The following CSMD3 variants were observed in gnomAD, a reference collection of about 807,000 sequenced individuals.
CSMD3 encodes the protein CUB and Sushi multiple domains 3.
CSMD3 carries 177 observed loss-of-function variants against 435.2 expected under a neutral mutation model. That is an observed-to-expected ratio of 0.41 (90% CI 0.36 to 0.46). The LOEUF (loss-of-function observed/expected upper bound fraction) is 0.46, where lower values mean the gene tolerates loss of function less well. Among genes scored for constraint, CSMD3 ranks in the 20% least tolerant of loss-of-function variants. The pLI is 0.34. For synonymous variants in CSMD3, 1,656 were observed against 1,520.5 expected, an observed-to-expected ratio of 1.09 and a Z score of -2.07; for missense variants, 4,265 against 4,504.6, an observed-to-expected ratio of 0.95 and a Z score of 1.52.
chr8:112,264,092 GT>G (rs1226357981), intron 60 of CSMD3, among the ~76,000 whole-genome samples: 1 of 152,010 alleles, frequency 6.6e-6, no homozygotes, highest in East Asian at 1.9e-4. Flanking sequence ...CAAACAGAGG[GT>G]GACCTTCAAT....
intron 13 of CSMD3, among the ~76,000 whole-genome samples, chr8:112,741,122 G>A (rs1587137775): frequency 6.6e-6 from 1 of 151,930 alleles, no homozygotes; most frequent in South Asian, 2.1e-4. Flanking sequence ...CAAAAGAGAT[G>A]AAGAGAGTGT....
At chr8:112,318,983 G>A (rs761380315) in intron 46 of CSMD3, 33 bp from the exon 47 acceptor site, 2 of 1,167,596 alleles carry the variant, frequency 1.7e-6, no homozygotes, top group African/African-American at 1.5e-5. Flanking sequence ...TTTCATATAA[G>A]CAACAAGGTG....
intron 41 of CSMD3, among the ~76,000 whole-genome samples, chr8:112,345,440 C>A (rs1825576854): frequency 6.6e-6 from 1 of 152,050 alleles, no homozygotes; most frequent in African/African-American, 2.4e-5. Flanking sequence ...TCATATACAA[C>A]AAAATGGATG....
intron 9 of CSMD3, among the ~76,000 whole-genome samples, chr8:112,929,693 G>A (rs1275411263): frequency 6.6e-6 from 1 of 151,984 alleles, no homozygotes; most frequent in East Asian, 1.9e-4. Flanking sequence ...AAGGCACATA[G>A]TAGGATAATG....
At chr8:112,900,723 T>A (rs1364710752) in intron 10 of CSMD3, among the ~76,000 whole-genome samples, 1 of 151,218 alleles carries the variant, frequency 6.6e-6, no homozygotes, top group Non-Finnish European at 1.5e-5. Context: ...GAGAAAAAGC[T>A]CTTTAAAAGA....
chr8:112,582,141 A>T (rs1410673047), intron 23 of CSMD3, among the ~76,000 whole-genome samples: 1 of 152,020 alleles, frequency 6.6e-6, no homozygotes, highest in Non-Finnish European at 1.5e-5. Flanking sequence ...CCATTGATAT[A>T]AGTGATTCTC....
intron 2 of CSMD3, among the ~76,000 whole-genome samples, chr8:113,283,111 G>T (rs1174996675): frequency 6.6e-6 from 1 of 152,072 alleles, no homozygotes; most frequent in East Asian, 1.9e-4. Flanking sequence ...GTAAATCTAA[G>T]ATCTGAAACT....
chr8:112,342,993 A>ATT (rs1825296930), intron 41 of CSMD3, among the ~76,000 whole-genome samples: 3 of 26,146 alleles, frequency 1.1e-4, no homozygotes, highest in African/African-American at 2.3e-4. Context: ...ATATTTATAT[A>ATT]TATATATTTA....
chr8:113,294,162 T>A (rs1390320356), intron 2 of CSMD3, among the ~76,000 whole-genome samples: 2 of 152,018 alleles, frequency 1.3e-5, no homozygotes, highest in African/African-American at 4.8e-5. Context: ...TTTTAGCTAA[T>A]TAGGAACATG....
In CSMD3 at chr8:112,762,957, T is replaced by C. The variant is rs993997924; in HGVS notation, c.1972+37205A>G. On this transcript the variant is annotated intron_variant, in intron 13 of 70. Transcript: ENST00000297405. The stretch of plus-strand genomic sequence containing the variant: ...CAAAGGATGCAAAGTTTTAGTCAGA[T>C]AGAACTAATTAGTTCAAGCGATGTA... Among the ~76,000 whole-genome samples, 7 of 151,726 alleles carry C rather than the reference T, an allele frequency of 4.6e-5. No homozygotes were observed. The South Asian group carries it at 6.2e-4, about 13-fold the overall frequency.
chr8:113,434,551 A>G (rs1451247993), intron 1 of CSMD3, among the ~76,000 whole-genome samples: 3 of 152,202 alleles, frequency 2.0e-5, no homozygotes, highest in Non-Finnish European at 4.4e-5. Flanking sequence ...ACAGTATTCC[A>G]AGTCGTAAAA....
At chr8:112,746,318 C>G (rs1366593090) in intron 13 of CSMD3, among the ~76,000 whole-genome samples, 1 of 152,108 alleles carries the variant, frequency 6.6e-6, no homozygotes, top group African/African-American at 2.4e-5. Flanking sequence ...GCTTCCTGGT[C>G]TTGGTTTCTT....
intron 5 of CSMD3, among the ~76,000 whole-genome samples, chr8:113,035,143 A>C (rs182751728): frequency 2.7e-4 from 41 of 152,166 alleles, no homozygotes; most frequent in African/African-American, 9.6e-4. Flanking sequence ...ATGAAATTGA[A>C]AGGAGAAAAA....
chr8:112,919,121 A>C (rs1019541507), intron 10 of CSMD3, among the ~76,000 whole-genome samples: 4 of 151,974 alleles, frequency 2.6e-5, no homozygotes, highest in African/African-American at 9.7e-5. Flanking sequence ...GCTATGTCTA[A>C]TATCTGCAAA....
chr8:112,538,711 A>G (rs1325189882), intron 27 of CSMD3, among the ~76,000 whole-genome samples: 3 of 152,132 alleles, frequency 2.0e-5, no homozygotes, highest in Non-Finnish European at 2.9e-5. Context: ...AGAAAAATGG[A>G]AAGACATTTA....
chr8:112,970,945 T>C (rs1041219503), intron 7 of CSMD3, among the ~76,000 whole-genome samples: 2 of 152,016 alleles, frequency 1.3e-5, no homozygotes, highest in Non-Finnish European at 2.9e-5. Flanking sequence ...ATGGTCTCAA[T>C]CTACTGACCT....
chr8:112,576,452 G>T (rs549820809), intron 23 of CSMD3, among the ~76,000 whole-genome samples: 2 of 152,094 alleles, frequency 1.3e-5, no homozygotes, highest in South Asian at 2.1e-4. Context: ...TTAACCTGAA[G>T]ATCAAAAACA....
chr8:113,113,995 C>T (rs1038540169), intron 4 of CSMD3, among the ~76,000 whole-genome samples: 4 of 152,118 alleles, frequency 2.6e-5, no homozygotes, highest in Non-Finnish European at 5.9e-5. Flanking sequence ...AAGTAGACAT[C>T]ATCTTCTACT....
At chr8:112,699,740 G>A (rs1269454084) in intron 13 of CSMD3, among the ~76,000 whole-genome samples, 4 of 152,184 alleles carry the variant, frequency 2.6e-5, no homozygotes, top group Non-Finnish European at 4.4e-5. Flanking sequence ...CATCTGTCAA[G>A]AATGTGTGGC....
Sources: gnomAD v4.1 joint callset for allele counts (sites outside exome capture counted in the v4.1 genomes callset) on GRCh38, gnomAD v4.1.1 for gene constraint, MANE v1.5 for transcripts, NCBI Gene and HGNC (gene_info 2026-07-23, HGNC 2026-07-21) for gene names.